Variants in GRIP1 observed in about 807,000 individuals in gnomAD.
GRIP1 encodes the protein glutamate receptor-interacting protein 1.
In GRIP1, 45 loss-of-function variants were observed where a neutral mutation model predicts 129.9. That is an observed-to-expected ratio of 0.35 (90% CI 0.27 to 0.44). GRIP1 has a LOEUF of 0.44. Among genes scored for constraint, GRIP1 ranks in the 20% least tolerant of loss-of-function variants. The probability of loss-of-function intolerance (pLI) is 1.00; values close to 1 mark genes in which losing one functional copy is unlikely to be tolerated. For synonymous variants in GRIP1, 530 were observed against 520.8 expected (o/e 1.02, Z -0.24); for missense variants, 1,196 against 1,396.8 (o/e 0.86, Z 2.29).
chr12:67,020,856 T>A (rs757293845), intron 1 of GRIP1, among the ~76,000 whole-genome samples: 3 of 152,092 alleles, frequency 2.0e-5, no homozygotes, highest in Admixed American at 6.6e-5. Flanking sequence ...TCCCAGTACT[T>A]TGGGAAACCA....
chr12:66,960,072 G>A (rs2041901537), intron 1 of GRIP1, among the ~76,000 whole-genome samples: 1 of 152,130 alleles, frequency 6.6e-6, no homozygotes, highest in African/African-American at 2.4e-5. Context: ...ACAGAAGGAA[G>A]GTAAGTAGCC....
Position 66,859,264 on chromosome 12 carries a change from AAAAC to A in GRIP1, c.58+209782_58+209785del, listed in dbSNP as rs1566054484. Among the ~76,000 whole-genome samples, 13 of 14,018 alleles carry A rather than the reference AAAAC, an allele frequency of 9.3e-4. 1 individual carries two copies. In the East Asian group the frequency reaches 0.065, roughly 70 times the overall value. The allele number at this position is 14,018 out of a possible 152,430, so 9.2% of individuals were successfully genotyped here. A position where few individuals can be genotyped will look rare whatever the true frequency, so the allele number is the denominator to read the frequency against. ...GCATATTCTCCACATTTTCTGAAAA[AAAAC>A]AAAAAAACAAAAAAACAAAAAAACA... On this transcript the variant is annotated intron_variant, in intron 1 of 1. Transcript: ENST00000643019.
chr12:66,788,891 T>C (rs1391135635), intron 1 of GRIP1, among the ~76,000 whole-genome samples: 1 of 152,078 alleles, frequency 6.6e-6, no homozygotes, highest in Non-Finnish European at 1.5e-5. Flanking sequence ...ACAGAAACTA[T>C]GAGAGAAGAA....
At chr12:66,523,722 AC>A (rs1447091060) in intron 5 of GRIP1, among the ~76,000 whole-genome samples, 3 of 152,208 alleles carry the variant, frequency 2.0e-5, no homozygotes, top group Non-Finnish European at 4.4e-5. Context: ...CAATTAGAAG[AC>A]ACAGACTGGC....
intron 13 of GRIP1, 129 bp downstream of exon 13, chr12:66,444,455 C>T (rs1031370554): frequency 5.4e-5 from 41 of 759,006 alleles, no homozygotes; most frequent in Middle Eastern, 3.6e-4. Flanking sequence ...CACTGCAGTC[C>T]GCAGTCCAGC....
chr12:66,831,699 C>A (rs922405383), intron 1 of GRIP1, among the ~76,000 whole-genome samples: 27 of 152,104 alleles, frequency 1.8e-4, no homozygotes, highest in Non-Finnish European at 1.9e-4. Flanking sequence ...GTATAGTATG[C>A]TCTTTCTAGA....
intron 1 of GRIP1, among the ~76,000 whole-genome samples, chr12:66,715,878 C>T (rs1029713163): frequency 3.3e-5 from 5 of 151,922 alleles, no homozygotes; most frequent in African/African-American, 1.2e-4. Context: ...TTCATCAGGC[C>T]AGCTAGTCTC....
chr12:66,397,350 T>C (rs2056833470), intron 16 of GRIP1, among the ~76,000 whole-genome samples: 1 of 151,754 alleles, frequency 6.6e-6, no homozygotes, highest in African/African-American at 2.4e-5. Context: ...CCGTCTCTAC[T>C]AAAAATACAA....
At chr12:66,622,456 T>C (rs927184243) in intron 1 of GRIP1, among the ~76,000 whole-genome samples, 2 of 152,116 alleles carry the variant, frequency 1.3e-5, no homozygotes, top group East Asian at 1.9e-4. Flanking sequence ...AAAAAGATAA[T>C]TGAGATGCTG....
chr12:66,836,933 ATGT>A (rs1405993597), intron 1 of GRIP1, among the ~76,000 whole-genome samples: 2 of 152,216 alleles, frequency 1.3e-5, no homozygotes, highest in African/African-American at 4.8e-5. Context: ...AGGTACATTC[ATGT>A]TGTTGTTTTT....
intron 1 of GRIP1, among the ~76,000 whole-genome samples, chr12:66,991,785 T>C (rs1171367375): frequency 6.6e-6 from 1 of 152,206 alleles, no homozygotes; most frequent in Non-Finnish European, 1.5e-5. Flanking sequence ...TTTTAATCAA[T>C]AGTAAACTAT....
intron 5 of GRIP1, among the ~76,000 whole-genome samples, chr12:66,522,254 T>C (rs1310412483): frequency 6.6e-6 from 1 of 152,038 alleles, no homozygotes; most frequent in Admixed American, 6.5e-5. Flanking sequence ...CACCCCCAAA[T>C]AGGGGCAGAC....
chr12:66,631,827 G>A (rs1264939942), intron 1 of GRIP1, among the ~76,000 whole-genome samples: 1 of 152,212 alleles, frequency 6.6e-6, no homozygotes, highest in Admixed American at 6.5e-5. Flanking sequence ...GACAGAACTA[G>A]AGCAGAACAT....
At chr12:66,719,802 G>A (rs775461536) in intron 1 of GRIP1, among the ~76,000 whole-genome samples, 1 of 152,102 alleles carries the variant, frequency 6.6e-6, no homozygotes, top group Non-Finnish European at 1.5e-5. Context: ...TGGAATGTTC[G>A]GGCTTATGTA....
intron 1 of GRIP1, among the ~76,000 whole-genome samples, chr12:66,859,051 AT>A (rs2040055072): frequency 6.6e-6 from 1 of 151,772 alleles, no homozygotes; most frequent in East Asian, 1.9e-4. Flanking sequence ...CTGTCCAGGT[AT>A]TTTTTCCTAA....
intron 1 of GRIP1, among the ~76,000 whole-genome samples, chr12:66,631,946 A>G (rs2030837667): frequency 6.6e-6 from 1 of 152,234 alleles, no homozygotes; most frequent in South Asian, 2.1e-4. Context: ...CAAGCTCATA[A>G]TGGAAAATAA....
intron 7 of GRIP1, among the ~76,000 whole-genome samples, chr12:66,474,492 C>A (rs368939189): frequency 2.6e-5 from 4 of 151,938 alleles, no homozygotes; most frequent in Non-Finnish European, 4.4e-5. Context: ...CCAAAGATAC[C>A]CCTTGAGAAG....
At chr12:66,548,411 T>G (rs1356441752) in intron 2 of GRIP1, among the ~76,000 whole-genome samples, 1 of 152,246 alleles carries the variant, frequency 6.6e-6, no homozygotes, top group African/African-American at 2.4e-5. Context: ...ATTACTGGCC[T>G]GCTTATGTTC....
intron 1 of GRIP1, among the ~76,000 whole-genome samples, chr12:66,615,089 T>TA (rs1408516806): frequency 1.3e-5 from 2 of 152,284 alleles, no homozygotes; most frequent in African/African-American, 4.8e-5. Flanking sequence ...TACTAGAGTA[T>TA]AAACTCCATA....
Sources: allele counts gnomAD v4.1 joint callset (sites outside exome capture counted in the v4.1 genomes callset), GRCh38; gene constraint gnomAD v4.1.1; transcripts MANE v1.5; gene names NCBI Gene and HGNC (gene_info 2026-07-23, HGNC 2026-07-21).